The following SCAPER variants were observed in gnomAD, a reference collection of about 807,000 sequenced individuals.
SCAPER encodes the protein S phase cyclin A-associated protein in the endoplasmic reticulum.
Under a neutral mutation model 182.2 loss-of-function variants are expected in SCAPER, and 98 were observed. That is an observed-to-expected ratio of 0.54 (90% CI 0.46 to 0.64). The LOEUF (loss-of-function observed/expected upper bound fraction) is 0.64, where lower values mean the gene tolerates loss of function less well. Ranked by LOEUF, SCAPER falls within the 30% of genes least tolerant of loss-of-function variation. The pLI is 0.00. For synonymous variants in SCAPER, 605 were observed against 564.6 expected (o/e 1.07, Z -1.01); for missense variants, 1,432 against 1,690.0 (o/e 0.85, Z 2.68).
At chr15:76,652,343 T>TACAC (rs1230104329) in intron 21 of SCAPER, among the ~76,000 whole-genome samples, 9 of 12,234 alleles carry the variant, frequency 7.4e-4, no homozygotes, top group East Asian at 3.2e-3. Context: ...TACACATATA[T>TACAC]ACACACACAC....
At position 76,735,191 on chromosome 15, in the gene SCAPER, T is replaced by G. The variant is rs564815856; in HGVS notation, c.1867-1807A>C. 4.0e-5 allele frequency among the ~76,000 whole-genome samples: 6 copies of G among 151,654 alleles called. 1 individual carries two copies. The highest frequency in any genetic ancestry group is 1.4e-4 in the African/African-American group (6 of 41,386). ...AATGACTATCTCTATTAAATATAAA[T>G]ATATACAGATAGATAGATATAGATA... On this transcript the variant is annotated intron_variant, in intron 15 of 31. Transcript: ENST00000563290.
chr15:76,804,147 C>G (rs1349510284), intron 6 of SCAPER, among the ~76,000 whole-genome samples: 1 of 152,154 alleles, frequency 6.6e-6, no homozygotes, highest in Non-Finnish European at 1.5e-5. Flanking sequence ...TAAAATCCAT[C>G]CCATCCATGA....
At chr15:76,734,927 T>C (rs1208054559) in intron 15 of SCAPER, among the ~76,000 whole-genome samples, 1 of 152,148 alleles carries the variant, frequency 6.6e-6, no homozygotes, top group African/African-American at 2.4e-5. Flanking sequence ...AAGGAAACTT[T>C]ATTCAGACTA....
At chr15:76,513,660 C>T (rs2144098442) in intron 23 of SCAPER, among the ~76,000 whole-genome samples, 1 of 152,278 alleles carries the variant, frequency 6.6e-6, no homozygotes, top group South Asian at 2.1e-4. Context: ...ATACAGTGCT[C>T]TGATTACATT....
intron 20 of SCAPER, among the ~76,000 whole-genome samples, chr15:76,669,311 ATACTATACCTT>A (rs1383964094): frequency 1.3e-5 from 2 of 152,236 alleles, no homozygotes; most frequent in Non-Finnish European, 2.9e-5. Context: ...GGCCTATGGT[ATACTATACCTT>A]TATACAGTAG....
At chr15:76,467,527 A>G (rs979877567) in intron 25 of SCAPER, among the ~76,000 whole-genome samples, 2 of 151,626 alleles carry the variant, frequency 1.3e-5, no homozygotes. Flanking sequence ...TGTAGCTTTG[A>G]ACTCCTTGGT....
At chr15:76,813,296 T>C (rs1367849969) in intron 5 of SCAPER, among the ~76,000 whole-genome samples, 3 of 132,004 alleles carry the variant, frequency 2.3e-5, no homozygotes, top group East Asian at 2.3e-4. Context: ...TTCCTCAATA[T>C]AGTAGAAGTC....
chr15:76,825,706 T>C (rs554350871), intron 5 of SCAPER, among the ~76,000 whole-genome samples: 2 of 152,206 alleles, frequency 1.3e-5, no homozygotes, highest in Admixed American at 6.5e-5. Context: ...CCTTTCCTAC[T>C]ACACCTAGTG....
intron 24 of SCAPER, among the ~76,000 whole-genome samples, chr15:76,488,498 A>C (rs2051888832): frequency 1.3e-5 from 2 of 152,104 alleles, no homozygotes; most frequent in African/African-American, 2.4e-5. Flanking sequence ...CATGGTCAGA[A>C]CATGCCATTT....
intron 18 of SCAPER, among the ~76,000 whole-genome samples, chr15:76,704,380 G>C (rs1161540057): frequency 2.0e-5 from 3 of 152,228 alleles, no homozygotes; most frequent in African/African-American, 2.4e-5. Flanking sequence ...TGGTGTTTTA[G>C]ACATGAAGTC....
chr15:76,550,925 G>A (rs867746620), intron 23 of SCAPER, among the ~76,000 whole-genome samples: 1 of 151,922 alleles, frequency 6.6e-6, no homozygotes, highest in Non-Finnish European at 1.5e-5. Flanking sequence ...AAAAGATGAC[G>A]TACAAATGGC....
Position 76,637,742 on chromosome 15 carries a change from ATGTGTGTGTGTGTGTGTGTGTGTGTG to A in SCAPER, c.2646-15939_2646-15914del, listed in dbSNP as rs55726181. 2.0e-3 allele frequency among the ~76,000 whole-genome samples: 213 copies of A among 105,818 alleles called. 6 individuals carry two copies. The highest frequency in any genetic ancestry group is 7.1e-3 in the African/African-American group (189 of 26,596). The allele number at this position is 105,818 out of a possible 152,430, so 69.4% of individuals were successfully genotyped here. ...TGTGATTATATATATATATATATAT[ATGTGTGTGTGTGTGTGTGTGTGTGTG>A]TGTGTGTGTGTGTGTGTGTGTGTGT... On this transcript the variant is annotated intron_variant, in intron 21 of 31. Transcript: ENST00000563290.
chr15:76,359,328 T>C (rs567155359), intron 29 of SCAPER, among the ~76,000 whole-genome samples: 2 of 152,304 alleles, frequency 1.3e-5, no homozygotes, highest in Admixed American at 6.5e-5. Context: ...TAGGAAGCCA[T>C]TGCTGAGGTC....
intron 29 of SCAPER, among the ~76,000 whole-genome samples, chr15:76,369,848 G>A (rs947307365): frequency 6.6e-6 from 1 of 152,198 alleles, no homozygotes; most frequent in African/African-American, 2.4e-5. Context: ...AGCCTGACTG[G>A]CATGGAGTAC....
At chr15:76,508,394 A>G (rs2041766315) in intron 23 of SCAPER, among the ~76,000 whole-genome samples, 1 of 152,210 alleles carries the variant, frequency 6.6e-6, no homozygotes, top group Non-Finnish European at 1.5e-5. Context: ...TATTTGGCAC[A>G]TGTGATATGC....
intron 27 of SCAPER, among the ~76,000 whole-genome samples, chr15:76,385,877 A>G (rs1257642035): frequency 2.0e-5 from 3 of 152,212 alleles, no homozygotes; most frequent in African/African-American, 7.2e-5. Flanking sequence ...TTGCTGCTGG[A>G]ATAATTACCA....
intron 29 of SCAPER, among the ~76,000 whole-genome samples, chr15:76,365,243 A>G (rs534815467): frequency 6.6e-6 from 1 of 152,330 alleles, no homozygotes; most frequent in East Asian, 1.9e-4. Context: ...GGTTTGACAC[A>G]GTGTGGGCAT....
chr15:76,881,698 C>A (rs2073550110), intron 2 of SCAPER, among the ~76,000 whole-genome samples: 1 of 152,018 alleles, frequency 6.6e-6, no homozygotes, highest in Admixed American at 6.5e-5. Context: ...ACAGAGACAG[C>A]AAGTGGTACA....
chr15:76,383,965 T>C (rs1201345405), intron 27 of SCAPER, among the ~76,000 whole-genome samples: 1 of 152,246 alleles, frequency 6.6e-6, no homozygotes, highest in Non-Finnish European at 1.5e-5. Flanking sequence ...TATTTGCTTA[T>C]AGGTATATCT....
Sources: gnomAD v4.1 joint callset for allele counts (sites outside exome capture counted in the v4.1 genomes callset) on GRCh38, gnomAD v4.1.1 for gene constraint, MANE v1.5 for transcripts, NCBI Gene and HGNC (gene_info 2026-07-23, HGNC 2026-07-21) for gene names.